BBS9: variants seen among roughly 807,000 people sequenced by gnomAD.
BBS9 encodes the protein protein PTHB1.
A neutral mutation model predicts 117.7 loss-of-function variants in BBS9; 89 were observed. The ratio of observed to expected loss-of-function variants is 0.76; its 90% CI spans 0.64 to 0.90. The LOEUF is 0.90. Among genes scored for constraint, BBS9 ranks in the 40% least tolerant of loss-of-function variants. The pLI, the probability that BBS9 is intolerant of heterozygous loss-of-function variation, is 0.00. For missense variants in BBS9, 982 were observed against 1,042.2 expected, an observed-to-expected ratio of 0.94 and a Z score of 0.80; for synonymous variants, 379 against 370.9, an observed-to-expected ratio of 1.02 and a Z score of -0.25.
intron 5 of BBS9, among the ~76,000 whole-genome samples, chr7:33,178,976 G>C (rs907900992): frequency 6.6e-6 from 1 of 152,166 alleles, no homozygotes; most frequent in Admixed American, 6.5e-5. Context: ...GAACGATAAG[G>C]AGATATCTAG....
At chr7:33,267,183 A>G (rs1798976037) in intron 7 of BBS9, among the ~76,000 whole-genome samples, 1 of 151,980 alleles carries the variant, frequency 6.6e-6, no homozygotes, top group South Asian at 2.1e-4. Context: ...CTTTTGTTTG[A>G]TAATCTTCTT....
chr7:33,177,615 A>C, intron 5 of BBS9, 24 bp downstream of exon 5: 6 of 1,448,448 alleles, frequency 4.1e-6, no homozygotes, highest in African/African-American at 2.8e-5. Context: ...AATCATGAGT[A>C]TGCTATTTCA....
At chr7:33,475,461 G>T (rs1052934317) in intron 19 of BBS9, among the ~76,000 whole-genome samples, 2 of 152,170 alleles carry the variant, frequency 1.3e-5, no homozygotes, top group Non-Finnish European at 2.9e-5. Flanking sequence ...CCCAGGTAAT[G>T]CTGAGGCTGT....
chr7:33,339,815 A>G (rs1296109142), intron 10 of BBS9, among the ~76,000 whole-genome samples: 1 of 152,114 alleles, frequency 6.6e-6, no homozygotes. Context: ...ACAAATGGTC[A>G]GTGGAAGGAA....
intron 1 of BBS9, among the ~76,000 whole-genome samples, chr7:33,134,117 T>C (rs1790063722): frequency 6.6e-6 from 1 of 152,092 alleles, no homozygotes; most frequent in Non-Finnish European, 1.5e-5. Flanking sequence ...ATGGTGTGGT[T>C]TTGGCCCACT....
intron 21 of BBS9, among the ~76,000 whole-genome samples, chr7:33,573,426 C>A (rs1858178915): frequency 6.6e-6 from 1 of 152,084 alleles, no homozygotes; most frequent in African/African-American, 2.4e-5. Flanking sequence ...CTCTTTTGCA[C>A]TTTGATTTTG....
chr7:33,539,539 A>C (rs1237271692), intron 21 of BBS9, among the ~76,000 whole-genome samples: 1 of 152,196 alleles, frequency 6.6e-6, no homozygotes, highest in African/African-American at 2.4e-5. Flanking sequence ...TATTAAGCAA[A>C]AGTGAATGAC....
chr7:33,400,581 CTCTT>C (rs1448358147), intron 19 of BBS9, among the ~76,000 whole-genome samples: 3 of 152,154 alleles, frequency 2.0e-5, no homozygotes, highest in East Asian at 1.9e-4. Flanking sequence ...TTTTCTCTCT[CTCTT>C]TAAGTAGAGG....
chr7:33,309,899 T>G (rs766399710), intron 9 of BBS9, among the ~76,000 whole-genome samples: 1 of 152,222 alleles, frequency 6.6e-6, no homozygotes, highest in African/African-American at 2.4e-5. Flanking sequence ...AGTAGAATAT[T>G]TAGGGATTCT....
chr7:33,558,016 G>A (rs1006133040), intron 21 of BBS9, among the ~76,000 whole-genome samples: 2 of 152,104 alleles, frequency 1.3e-5, no homozygotes, highest in African/African-American at 4.8e-5. Context: ...AAAGAAGTGA[G>A]GTAAACTGGG....
chr7:33,206,184 C>T (rs79457309), intron 5 of BBS9, among the ~76,000 whole-genome samples: 1 of 152,138 alleles, frequency 6.6e-6, no homozygotes, highest in African/African-American at 2.4e-5. Flanking sequence ...CAGTTAATGA[C>T]CCAGCAGGAA....
chr7:33,150,541 G>A (rs985056620), intron 2 of BBS9, among the ~76,000 whole-genome samples: 4 of 151,930 alleles, frequency 2.6e-5, no homozygotes, highest in South Asian at 2.1e-4. Flanking sequence ...GGGCATATAC[G>A]CAAAGTGGCC....
intron 21 of BBS9, among the ~76,000 whole-genome samples, chr7:33,582,954 A>G (rs1166715624): frequency 1.3e-5 from 2 of 152,162 alleles, no homozygotes; most frequent in African/African-American, 4.8e-5. Flanking sequence ...CTGGTCCAGA[A>G]CTAAGTAATG....
At chr7:33,515,522 A>G (rs1346111930) in intron 20 of BBS9, among the ~76,000 whole-genome samples, 1 of 152,078 alleles carries the variant, frequency 6.6e-6, no homozygotes, top group African/African-American at 2.4e-5. Flanking sequence ...TCAAAACTTC[A>G]TTTTTCCTCC....
intron 5 of BBS9, among the ~76,000 whole-genome samples, chr7:33,186,883 GACAA>G (rs948115520): frequency 1.3e-5 from 2 of 152,096 alleles, no homozygotes; most frequent in African/African-American, 4.8e-5. Context: ...CATAAGCATA[GACAA>G]ACAAGTTACA....
At chr7:33,600,459 A>G (rs143861100) in intron 21 of BBS9, among the ~76,000 whole-genome samples, 3,158 of 152,264 alleles carry the variant, frequency 0.021, 68 homozygotes, top group South Asian at 0.1. Context: ...AGTGGTATAG[A>G]AACTTGTGTA....
intron 19 of BBS9, among the ~76,000 whole-genome samples, chr7:33,406,714 G>T (rs1352023932): frequency 1.3e-5 from 2 of 152,076 alleles, no homozygotes; most frequent in Admixed American, 1.3e-4. Flanking sequence ...GGCTGGATAT[G>T]AAATTCTGGG....
At chr7:33,459,947 T>A (rs1839212453) in intron 19 of BBS9, among the ~76,000 whole-genome samples, 1 of 152,164 alleles carries the variant, frequency 6.6e-6, no homozygotes, top group Non-Finnish European at 1.5e-5. Flanking sequence ...TCAAAATGAA[T>A]CTTTATAAGT....
intron 14 of BBS9, chr7:33,351,801 G>C: frequency 4.6e-6 from 1 of 216,962 alleles, no homozygotes; most frequent in Non-Finnish European, 9.3e-6. Context: ...ATGAGGCCAG[G>C]CTCCTCCCCT....
Sources: allele counts gnomAD v4.1 joint callset (sites outside exome capture counted in the v4.1 genomes callset), GRCh38; gene constraint gnomAD v4.1.1; transcripts MANE v1.5; gene names NCBI Gene and HGNC (gene_info 2026-07-23, HGNC 2026-07-21).